PCDHGC3: variants seen among roughly 807,000 people sequenced by gnomAD.
The protein encoded by PCDHGC3 is protocadherin gamma subfamily C, 3, also known as protocadherin gamma-C3.
Under a neutral mutation model 59.2 loss-of-function variants are expected in PCDHGC3, and 26 were observed. The ratio of observed to expected loss-of-function variants is 0.44; its 90% confidence interval spans 0.32 to 0.61. The LOEUF is 0.61. PCDHGC3 is among the 20% of genes least tolerant of loss of function. The probability of loss-of-function intolerance (pLI) is 0.05; values close to 1 mark genes in which losing one functional copy is unlikely to be tolerated. For synonymous variants in PCDHGC3, 487 were observed against 519.7 expected, an observed-to-expected ratio of 0.94 and a Z score of 0.86; for missense variants, 1,080 against 1,221.8, an observed-to-expected ratio of 0.88 and a Z score of 1.73.
chr5:141,491,048 C>G lies in PCDHGC3; in HGVS notation c.2431-3759C>G. On this transcript the variant is annotated intron_variant, in intron 1 of 3. Coordinates refer to ENST00000308177, the MANE Select transcript of PCDHGC3 (RefSeq NM_002588.4). The surrounding 1 kb of genome is among the most constrained non-coding windows in gnomAD (Gnocchi z 6.9). ...GTGGATGCTGATGCAGGCCACAATGCGTGGCTCTCCTACTCACTGTTGCCA... is the reference window on the plus strand; with the variant it reads ...GTGGATGCTGATGCAGGCCACAATGGGTGGCTCTCCTACTCACTGTTGCCA... 1.2e-6 allele frequency: 2 copies of G among 1,614,066 alleles called. No individual in the cohort carries two copies. Among genetic ancestry groups the G allele is most frequent in the Non-Finnish European group, 8.5e-7 (1 of 1,179,952 alleles).
intron 3 of PCDHGC3, among the ~76,000 whole-genome samples, chr5:141,510,204 C>T (rs1403130911): frequency 1.3e-5 from 2 of 150,304 alleles, no homozygotes; most frequent in Admixed American, 1.3e-4. Flanking sequence ...GCCCAGGAGG[C>T]AGAGGTTGCA....
intron 2 of PCDHGC3, among the ~76,000 whole-genome samples, chr5:141,497,984 C>G (rs2099780951): frequency 6.6e-6 from 1 of 152,194 alleles, no homozygotes; most frequent in South Asian, 2.1e-4. Flanking sequence ...TGGGAGGCCC[C>G]TGCCCTCAAG....
Position 141,505,420 on chromosome 5 carries a change from C to G in PCDHGC3, c.2517C>G (p.Thr839=), listed in dbSNP as rs1236398971. 6.2e-7 allele frequency: 1 copy of G among 1,614,102 alleles called. No individual in the cohort carries two copies. Among genetic ancestry groups the G allele is most frequent in the Non-Finnish European group, 8.5e-7 (1 of 1,180,034 alleles). ...SGSQNGDDTG[T]WPNNQFDTEM... is the part of the protein sequence containing the mutation. ...CCCAAAATGGCGATGACACCGGCACCTGGCCCAACAACCAGTTTGACACAG... is the reference window on the plus strand; with the variant it reads ...CCCAAAATGGCGATGACACCGGCACGTGGCCCAACAACCAGTTTGACACAG... The change falls in exon 3 of 4, where the codon ACC becomes ACG. Residue 839 remains threonine (T), a synonymous_variant. Coordinates refer to ENST00000308177, the MANE Select transcript of PCDHGC3 (RefSeq NM_002588.4).
At chr5:141,494,195 C>T in intron 1 of PCDHGC3, among the ~76,000 whole-genome samples, 1 of 152,188 alleles carries the variant, frequency 6.6e-6, no homozygotes, top group Non-Finnish European at 1.5e-5. Flanking sequence ...GACTTGGATG[C>T]CCCGCAAAGG....
chr5:141,506,209 G>A (rs549403288), intron 3 of PCDHGC3, among the ~76,000 whole-genome samples: 3 of 152,284 alleles, frequency 2.0e-5, no homozygotes, highest in African/African-American at 7.2e-5. Context: ...CCAGCACTTT[G>A]GGAAGCTGAG....
At chr5:141,480,398 G>C (rs2099518275) in intron 1 of PCDHGC3, among the ~76,000 whole-genome samples, 1 of 149,050 alleles carries the variant, frequency 6.7e-6, no homozygotes, top group Non-Finnish European at 1.5e-5. Context: ...CATGGCAATA[G>C]AGTGAGACCC....
At chr5:141,501,409 A>G (rs1358547245) in intron 2 of PCDHGC3, among the ~76,000 whole-genome samples, 1 of 151,978 alleles carries the variant, frequency 6.6e-6, no homozygotes, top group African/African-American at 2.4e-5. Context: ...ACTGCTTGGA[A>G]AATAGTTGAC....
intron 3 of PCDHGC3, 89 bp from the exon 4 acceptor site, chr5:141,510,858 T>G: frequency 6.2e-7 from 1 of 1,606,182 alleles, no homozygotes; most frequent in Non-Finnish European, 8.5e-7. Context: ...GGGTGCTGTA[T>G]AGGCATTCAT....
Position 141,477,966 on chromosome 5 carries a change from G to A in PCDHGC3, c.1850G>A (p.Ser617Asn), listed in dbSNP as rs2099426792. 6.2e-7 allele frequency: 1 copy of A among 1,614,118 alleles called. No individual in the cohort carries two copies. The highest frequency in any genetic ancestry group is 8.5e-7 in the Non-Finnish European group (1 of 1,180,036). ...SYSLLGSPNQ[S>N]LFAIGLHTGQ... ...AGTCTCTTGGGATCCCCTAACCAGAGCCTTTTTGCCATAGGGCTGCACACT... is the reference window on the plus strand; with the variant it reads ...AGTCTCTTGGGATCCCCTAACCAGAACCTTTTTGCCATAGGGCTGCACACT... Residue 617 changes from serine (S) to asparagine (N), a missense_variant, in exon 1 of 4, where the codon AGC (serine) becomes AAC (asparagine). Transcript: ENST00000308177. This position sits in a 1 kb window ranked among gnomAD's most constrained non-coding sequence, Gnocchi z 4.9.
Position 141,486,178 on chromosome 5 carries a change from C to T in PCDHGC3, c.2430+7632C>T, listed in dbSNP as rs767840363. The T allele has an allele frequency of 1.1e-5, 17 of 1,614,076 alleles. No homozygotes were observed. The highest frequency in any genetic ancestry group is 1.4e-5 in the Non-Finnish European group (16 of 1,180,038). ...CTCCAGCCATGGAGCAACATTGCAG[C>T]CTTCGAGTGGATCTGCTGGACGTAA... On this transcript the variant is annotated intron_variant, in intron 1 of 3. Coordinates refer to ENST00000308177, the MANE Select transcript of PCDHGC3 (RefSeq NM_002588.4). The surrounding 1 kb of genome is among the most constrained non-coding windows in gnomAD (Gnocchi z 5.0).
intron 1 of PCDHGC3, among the ~76,000 whole-genome samples, chr5:141,482,944 G>A (rs1362136222): frequency 6.6e-6 from 1 of 152,094 alleles, no homozygotes; most frequent in Non-Finnish European, 1.5e-5. Context: ...GTGGTTGTGG[G>A]TGCCTGTAAT....
chr5:141,485,980 G>C lies in PCDHGC3; in HGVS notation c.2430+7434G>C, dbSNP rs151239937. 1 of 1,614,020 alleles carries C rather than the reference G, an allele frequency of 6.2e-7. No individual in the cohort carries two copies. The highest frequency in any genetic ancestry group is 1.3e-5 in the African/African-American group (1 of 74,914). The stretch of plus-strand genomic sequence containing the variant: ...TCATCCAGCTCAATGCCTCAGACCC[G>C]GACCTGGGTCCCAGTGGTAACGTCA... On this transcript the variant is annotated intron_variant, in intron 1 of 3. Transcript: ENST00000308177. The surrounding 1 kb of genome is among the most constrained non-coding windows in gnomAD (Gnocchi z 5.7).
intron 3 of PCDHGC3, among the ~76,000 whole-genome samples, chr5:141,508,943 CAG>C (rs1562237475): frequency 1.3e-5 from 2 of 151,982 alleles, no homozygotes; most frequent in Admixed American, 6.6e-5. Context: ...TTAGGGAAAA[CAG>C]AGAAATGTCA....
chr5:141,486,121 T>G lies in PCDHGC3; in HGVS notation c.2430+7575T>G. The G allele has an allele frequency of 6.2e-7, 1 of 1,614,204 alleles. No homozygotes were observed. Among genetic ancestry groups the G allele is most frequent in the Non-Finnish European group, 8.5e-7 (1 of 1,180,036 alleles). Reference sequence around the variant, plus strand: ...TAGACTTTGAGAGTGAGAATTACTATGAATTTGATGTGCGGGCTCGCGATG... The same window carrying G: ...TAGACTTTGAGAGTGAGAATTACTAGGAATTTGATGTGCGGGCTCGCGATG... On this transcript the variant is annotated intron_variant, in intron 1 of 3. Transcript: ENST00000308177. The surrounding 1 kb of genome is among the most constrained non-coding windows in gnomAD (Gnocchi z 5.0).
In PCDHGC3 at chr5:141,476,432, G is replaced by A. The variant is rs139089802; in HGVS notation, c.316G>A (p.Val106Ile). 15 of 1,614,116 alleles carry A rather than the reference G, an allele frequency of 9.3e-6. No individual in the cohort carries two copies. The East Asian group carries it at 3.3e-4, about 36-fold the overall frequency. The part of the protein sequence containing the change: ...ELCGTLPSCT[V>I]TLELVVENPL... Reference sequence around the variant, plus strand: ...GTGTGGGACACTGCCCTCTTGCACTGTAACTCTGGAGTTGGTAGTGGAGAA... The same window carrying A: ...GTGTGGGACACTGCCCTCTTGCACTATAACTCTGGAGTTGGTAGTGGAGAA... Residue 106 changes from valine (V) to isoleucine (I), a missense_variant, in exon 1 of 4, where the codon GTA becomes ATA. Physicochemically the swap from Val to Ile is conservative, Grantham distance 29. Coordinates refer to ENST00000308177, the MANE Select transcript of PCDHGC3 (RefSeq NM_002588.4). The surrounding 1 kb of genome is among the most constrained non-coding windows in gnomAD (Gnocchi z 7.6).
rs2099701571 is a variant in PCDHGC3, at chr5:141,490,550, A to G, written c.2431-4257A>G. On this transcript the variant is annotated intron_variant, in intron 1 of 3. Coordinates refer to ENST00000308177, the MANE Select transcript of PCDHGC3 (RefSeq NM_002588.4). This position sits in a 1 kb window ranked among gnomAD's most constrained non-coding sequence, Gnocchi z 5.4. ...GCTGGTTCACCTTCCCTACACAAACATCTCACCATCAGGCTCAACATTTCA... is the reference window on the plus strand; with the variant it reads ...GCTGGTTCACCTTCCCTACACAAACGTCTCACCATCAGGCTCAACATTTCA... 1 of 1,614,092 alleles carries G rather than the reference A, an allele frequency of 6.2e-7. No individual in the cohort carries two copies.
In PCDHGC3 at chr5:141,476,606, G is replaced by A; in HGVS notation, c.490G>A (p.Val164Met). 1 of 1,614,244 alleles carries A rather than the reference G, an allele frequency of 6.2e-7. No homozygotes were observed. Among genetic ancestry groups the A allele is most frequent in the Non-Finnish European group, 8.5e-7 (1 of 1,180,046 alleles). ...FPLESAHDPDVGSNSLQTYEL... is the reference protein window; with the variant it reads ...FPLESAHDPDMGSNSLQTYEL... Reference sequence around the variant, plus strand: ...GCTCGAGAGCGCGCACGATCCCGATGTGGGAAGCAACTCTTTACAAACCTA... The same window carrying A: ...GCTCGAGAGCGCGCACGATCCCGATATGGGAAGCAACTCTTTACAAACCTA... The change falls in exon 1 of 4, where the codon GTG (valine) becomes ATG (methionine). Residue 164 changes from valine (V) to methionine (M), a missense_variant. By Grantham distance (21) the Val-to-Met change is conservative. Transcript: ENST00000308177. The surrounding 1 kb of genome is among the most constrained non-coding windows in gnomAD (Gnocchi z 7.6).
At position 141,481,468 on chromosome 5, in the gene PCDHGC3, G is replaced by A. The variant is rs575259839; in HGVS notation, c.2430+2922G>A. Among the ~76,000 whole-genome samples the A allele has an allele frequency of 2.6e-5, 4 of 152,332 alleles. No homozygotes were observed. In the South Asian group the frequency reaches 8.3e-4, roughly 32 times the overall value. On this transcript the variant is annotated intron_variant, in intron 1 of 3. Transcript: ENST00000308177. Reference sequence around the variant, plus strand: ...CATGTAAATACACTGAAAACCATTGGATTATACACTTTAAATATGTGATTT... The same window carrying A: ...CATGTAAATACACTGAAAACCATTGAATTATACACTTTAAATATGTGATTT...
At chr5:141,501,718 A>G (rs914077060) in intron 2 of PCDHGC3, among the ~76,000 whole-genome samples, 1 of 152,152 alleles carries the variant, frequency 6.6e-6, no homozygotes, top group Non-Finnish European at 1.5e-5. Flanking sequence ...AAAAAGACAA[A>G]TATATTACCC....
Sources: allele counts gnomAD v4.1 joint callset (sites outside exome capture counted in the v4.1 genomes callset), GRCh38; gene constraint gnomAD v4.1.1; non-coding constraint Gnocchi (gnomAD v3.1); transcripts MANE v1.5; gene names NCBI Gene and HGNC (gene_info 2026-07-23, HGNC 2026-07-21).